Variants in WNT8B observed in about 807,000 individuals in gnomAD.
WNT8B encodes protein Wnt-8b.
Under a neutral mutation model 36.6 loss-of-function variants are expected in WNT8B, and 24 were observed. That is an observed-to-expected ratio of 0.66 (90% CI 0.48 to 0.92). The LOEUF is 0.92. Ranked by LOEUF, WNT8B falls within the 40% of genes least tolerant of loss-of-function variation. The pLI, the probability that WNT8B is intolerant of heterozygous loss-of-function variation, is 0.00. For missense variants in WNT8B, 402 were observed against 470.8 expected (o/e 0.85, Z 1.35); for synonymous variants, 199 against 189.8 (o/e 1.05, Z -0.40).
At chr10:100,473,302 A>G (rs1206521322) in intron 1 of WNT8B, among the ~76,000 whole-genome samples, 1 of 152,202 alleles carries the variant, frequency 6.6e-6, no homozygotes, top group Non-Finnish European at 1.5e-5. Context: ...CATACTATAA[A>G]AGGCACCCTT....
At chr10:100,478,592 T>G (rs117543138) in intron 1 of WNT8B, among the ~76,000 whole-genome samples, 1,991 of 152,128 alleles carry the variant, frequency 0.013, 29 homozygotes, top group Non-Finnish European at 0.019. Context: ...TTTTTTTTTT[T>G]TTGTTTTGAA....
intron 1 of WNT8B, among the ~76,000 whole-genome samples, chr10:100,471,009 C>A (rs1180813570): frequency 6.6e-6 from 1 of 152,332 alleles, no homozygotes; most frequent in East Asian, 1.9e-4. Flanking sequence ...TCCCAAAGTG[C>A]TGGGATTACA....
At position 100,482,179 on chromosome 10, in the gene WNT8B, T is replaced by C. The variant is rs1851121763; in HGVS notation, c.511-92T>C. On this transcript the variant is annotated intron_variant, in intron 5 of 5. Transcript: ENST00000343737. The surrounding 1 kb of genome is among the most constrained non-coding windows in gnomAD (Gnocchi z 6.6). ...TGAGGTACCAAGTGGGCTGGCCCAGTAGACTAACTAGACTTCTCGCAACTC... is the reference window on the plus strand; with the variant it reads ...TGAGGTACCAAGTGGGCTGGCCCAGCAGACTAACTAGACTTCTCGCAACTC... The C allele has an allele frequency of 1.3e-6, 2 of 1,532,344 alleles. No individual in the cohort carries two copies. The highest frequency in any genetic ancestry group is 3.9e-5 in the Admixed American group (2 of 51,266). 94.9% of individuals were successfully genotyped at this position (1,532,344 alleles called of 1,614,324 possible). A position where few individuals can be genotyped will look rare whatever the true frequency, so the allele number is the denominator to read the frequency against.
chr10:100,472,487 G>C (rs1038054113), intron 1 of WNT8B, among the ~76,000 whole-genome samples: 1 of 152,136 alleles, frequency 6.6e-6, no homozygotes, highest in Admixed American at 6.5e-5. Flanking sequence ...TAAACACTCA[G>C]TGAAAAGTAT....
intron 1 of WNT8B, among the ~76,000 whole-genome samples, chr10:100,467,925 A>G (rs192204144): frequency 3.3e-4 from 51 of 152,304 alleles, no homozygotes; most frequent in Middle Eastern, 3.4e-3. Context: ...AAGTACTACC[A>G]TGGTTCAAAA....
In WNT8B at chr10:100,482,866, A is replaced by AT. The variant is rs1322052421; in HGVS notation, c.*50_*51insT. ...CCCACTGGTTCTTGGCTTCCTTTAG[A>AT]GACCCCGGTAATTGTGGAACCTAGG... is the stretch of plus-strand genomic sequence containing the variant. On this transcript the variant is annotated 3_prime_UTR_variant, in exon 6 of 6. Transcript: ENST00000343737. This position sits in a 1 kb window ranked among gnomAD's most constrained non-coding sequence, Gnocchi z 6.6. 1 of 1,441,462 alleles carries AT rather than the reference A, an allele frequency of 6.9e-7. No homozygotes were observed. Among genetic ancestry groups the AT allele is most frequent in the East Asian group, 2.6e-5 (1 of 38,868 alleles). 89.3% of individuals were successfully genotyped at this position (1,441,462 alleles called of 1,614,324 possible). A position where few individuals can be genotyped will look rare whatever the true frequency, so the allele number is the denominator to read the frequency against.
rs771165983 is a variant in WNT8B, at chr10:100,482,222, C to T, written c.511-49C>T. On this transcript the variant is annotated intron_variant, in intron 5 of 5. Coordinates refer to ENST00000343737, the MANE Select transcript of WNT8B (RefSeq NM_003393.4). This position sits in a 1 kb window ranked among gnomAD's most constrained non-coding sequence, Gnocchi z 6.6. ...CGCAACTCCCACAGGGGCAGTTAAACTCGCCACGCGCTTAATCCGGGGCCT... is the reference window on the plus strand; with the variant it reads ...CGCAACTCCCACAGGGGCAGTTAAATTCGCCACGCGCTTAATCCGGGGCCT... The T allele has an allele frequency of 3.9e-6, 6 of 1,541,000 alleles. No individual in the cohort carries two copies. Among genetic ancestry groups the T allele is most frequent in the South Asian group, 1.2e-5 (1 of 81,608 alleles).
At chr10:100,465,443 T>C (rs2133648637) in intron 1 of WNT8B, among the ~76,000 whole-genome samples, 1 of 152,326 alleles carries the variant, frequency 6.6e-6, no homozygotes. Flanking sequence ...CCAATGCACT[T>C]ACTCATCTGG....
At chr10:100,469,412 T>C (rs1589722988) in intron 1 of WNT8B, among the ~76,000 whole-genome samples, 1 of 152,252 alleles carries the variant, frequency 6.6e-6, no homozygotes, top group East Asian at 1.9e-4. Context: ...AAAGTCTGAA[T>C]ACTTCTCTTC....
intron 3 of WNT8B, 44 bp from the exon 4 acceptor site, chr10:100,480,954 G>A (rs781476142): frequency 1.9e-6 from 3 of 1,607,330 alleles, no homozygotes; most frequent in Non-Finnish European, 2.6e-6. Context: ...ATTTCTTTAA[G>A]CTGAAACCCC....
At chr10:100,479,833 T>C in intron 2 of WNT8B, 41 bp from the exon 3 acceptor site, 1 of 1,608,512 alleles carries the variant, frequency 6.2e-7, no homozygotes, top group Non-Finnish European at 8.5e-7. Flanking sequence ...GGTAAATGCC[T>C]CCTAAGTTCA....
Position 100,479,046 on chromosome 10 carries a change from T to G in WNT8B, c.69-6T>G, listed in dbSNP as rs1268032991. ...ATTCTGTTTTTGTTTTTTTTTTCCC[T>G]TATAGGTCGGTGAACAATTTCCTGA... On this transcript the variant is annotated splice_polypyrimidine_tract_variant and splice_region_variant and intron_variant, in intron 1 of 5. Transcript: ENST00000343737. 1 of 1,594,946 alleles carries G rather than the reference T, an allele frequency of 6.3e-7. No individual in the cohort carries two copies. The highest frequency in any genetic ancestry group is 8.5e-7 in the Non-Finnish European group (1 of 1,175,566).
intron 3 of WNT8B, among the ~76,000 whole-genome samples, chr10:100,480,552 C>A (rs1851097054): frequency 6.6e-6 from 1 of 152,208 alleles, no homozygotes; most frequent in South Asian, 2.1e-4. Flanking sequence ...CCTTCAGATT[C>A]ATCTCCCTCC....
rs777623992 is a variant in WNT8B at position 100,482,312 on chromosome 10, C to T, written c.552C>T (p.Gly184=). 2.5e-6 allele frequency: 4 copies of T among 1,597,766 alleles called. No individual in the cohort carries two copies. The highest frequency in any genetic ancestry group is 3.4e-6 in the Non-Finnish European group (4 of 1,177,088). The stretch of plus-strand genomic sequence containing the variant: ...TGAAACGCACGTGCAAGTGCCACGG[C>T]GTGTCTGGCAGCTGCACCACGCAGA... The part of the protein sequence containing the change: ...GTMKRTCKCH[G]VSGSCTTQTC... Residue 184 remains glycine (G), a synonymous_variant, in exon 6 of 6, where the codon GGC becomes GGT. Transcript: ENST00000343737. The surrounding 1 kb of genome is among the most constrained non-coding windows in gnomAD (Gnocchi z 6.6).
intron 2 of WNT8B, 29 bp from the exon 3 acceptor site, chr10:100,479,845 T>A: frequency 6.2e-7 from 1 of 1,612,008 alleles, no homozygotes; most frequent in Non-Finnish European, 8.5e-7. Context: ...CTAAGTTCAG[T>A]CTGAATTTTT....
At chr10:100,475,549 CTCTG>C (rs1288897316) in intron 1 of WNT8B, among the ~76,000 whole-genome samples, 4 of 152,162 alleles carry the variant, frequency 2.6e-5, no homozygotes, top group African/African-American at 9.7e-5. Flanking sequence ...TCTCTAGAAT[CTCTG>C]TCTATTACTC....
At chr10:100,479,006 G>C in intron 1 of WNT8B, 46 bp from the exon 2 acceptor site, 1 of 1,516,660 alleles carries the variant, frequency 6.6e-7, no homozygotes, top group Non-Finnish European at 8.9e-7. Context: ...AAACAAGTTG[G>C]TGTCTCTGCA....
intron 1 of WNT8B, among the ~76,000 whole-genome samples, chr10:100,472,576 T>C (rs902022068): frequency 1.3e-5 from 2 of 152,182 alleles, no homozygotes; most frequent in Non-Finnish European, 2.9e-5. Flanking sequence ...CCTCACATAC[T>C]TGAATAAATG....
At chr10:100,481,197 A>T in intron 4 of WNT8B, 74 bp downstream of exon 4, 1 of 1,574,142 alleles carries the variant, frequency 6.4e-7, no homozygotes, top group Non-Finnish European at 8.6e-7. Context: ...GGTGGGGGTG[A>T]AGAAGAGCTG....
Sources: allele counts gnomAD v4.1 joint callset (sites outside exome capture counted in the v4.1 genomes callset), GRCh38; gene constraint gnomAD v4.1.1; non-coding constraint Gnocchi (gnomAD v3.1); transcripts MANE v1.5; gene names NCBI Gene and HGNC (gene_info 2026-07-23, HGNC 2026-07-21).